The following PLA2G4C variants were observed in gnomAD, a reference collection of about 807,000 sequenced individuals.
The protein encoded by PLA2G4C is cytosolic phospholipase A2 gamma.
In PLA2G4C, 64 loss-of-function variants were observed where a neutral mutation model predicts 73.8. The observed-to-expected ratio is 0.87, with a 90% CI of 0.71 to 1.07. The LOEUF (loss-of-function observed/expected upper bound fraction) is 1.07, where lower values mean the gene tolerates loss of function less well. Among genes scored for constraint, PLA2G4C ranks in the 50% least tolerant of loss-of-function variants. The pLI is 0.00. For synonymous variants in PLA2G4C, 254 were observed against 252.1 expected (o/e 1.01, Z -0.07); for missense variants, 622 against 665.4 (o/e 0.93, Z 0.72).
rs1471894560 is a variant in PLA2G4C at position 48,099,814 on chromosome 19, C to A, written c.304G>T (p.Glu102Ter). The A allele has an allele frequency of 1.4e-5, 22 of 1,613,912 alleles. No homozygotes were observed. Among genetic ancestry groups the A allele is most frequent in the Non-Finnish European group, 1.9e-5 (22 of 1,179,900 alleles). Residue 102 changes from glutamate (E) to a stop codon, truncating the protein, a stop_gained, in exon 5 of 17, where the codon GAG becomes TAG. Coordinates refer to ENST00000599921, the MANE Select transcript of PLA2G4C (RefSeq NM_003706.3). LOFTEE classifies it high-confidence loss of function. Reference protein sequence around the residue: ...YTNDGDMEALEADLKHRFTRQ... With the variant: ...YTNDGDMEAL ...GTAAATCGATGTTTCAGGTCAGCCT[C>A]GAGAGCTTCCATGTCACCATCATTG...
At chr19:48,060,879 AT>A (rs1386527175) in intron 14 of PLA2G4C, among the ~76,000 whole-genome samples, 2 of 152,188 alleles carry the variant, frequency 1.3e-5, no homozygotes, top group Non-Finnish European at 1.5e-5. Flanking sequence ...ATATAAATAT[AT>A]ATTACATTAC....
At chr19:48,087,913 G>A (rs2031075903) in intron 9 of PLA2G4C, among the ~76,000 whole-genome samples, 2 of 148,726 alleles carry the variant, frequency 1.3e-5, no homozygotes, top group South Asian at 4.2e-4. Context: ...TCCAGCCTGG[G>A]CAACAAGAGC....
intron 11 of PLA2G4C, among the ~76,000 whole-genome samples, chr19:48,076,176 G>A (rs903279439): frequency 1.3e-5 from 2 of 152,212 alleles, no homozygotes; most frequent in African/African-American, 4.8e-5. Flanking sequence ...TGGATGAAGG[G>A]CTGTGCTCAG....
chr19:48,049,316 C>A lies in PLA2G4C; in HGVS notation c.1581-928G>T, dbSNP rs145139752. Among the ~76,000 whole-genome samples the A allele has an allele frequency of 4.2e-3, 636 of 152,248 alleles. 5 individuals are homozygous for A. The highest frequency in any genetic ancestry group is 0.014 in the African/African-American group (593 of 41,530). Reference sequence around the variant, plus strand: ...TCCCCAAGACTTCCTCATGGCCACCCCTTCTCAGTATTCAGCCCCAGGTGA... The same window carrying A: ...TCCCCAAGACTTCCTCATGGCCACCACTTCTCAGTATTCAGCCCCAGGTGA... On this transcript the variant is annotated intron_variant, in intron 16 of 16. Coordinates refer to ENST00000599921, the MANE Select transcript of PLA2G4C (RefSeq NM_003706.3).
intron 16 of PLA2G4C, 153 bp downstream of exon 16, chr19:48,052,844 G>T: frequency 2.8e-6 from 2 of 710,468 alleles, no homozygotes; most frequent in East Asian, 2.8e-5. Flanking sequence ...CCTGTTCATG[G>T]TCTGTCCCCT....
At chr19:48,097,387 G>A (rs1600243586) in intron 6 of PLA2G4C, among the ~76,000 whole-genome samples, 1 of 149,504 alleles carries the variant, frequency 6.7e-6, no homozygotes, top group African/African-American at 2.5e-5. Flanking sequence ...CGAGCAGCTG[G>A]GACTACAGGC....
chr19:48,105,104 A>G (rs1910915730), intron 3 of PLA2G4C, among the ~76,000 whole-genome samples: 2 of 139,860 alleles, frequency 1.4e-5, no homozygotes, highest in East Asian at 2.1e-4. Context: ...AAAAAAAAAA[A>G]GAAAGAAAAG....
At chr19:48,073,313 G>A (rs909624912) in intron 12 of PLA2G4C, among the ~76,000 whole-genome samples, 2 of 152,034 alleles carry the variant, frequency 1.3e-5, no homozygotes, top group Non-Finnish European at 2.9e-5. Context: ...GCCTCCCAAA[G>A]TGCTGGGATT....
rs190529839 is a variant in PLA2G4C, at chr19:48,084,775, G to A, written c.844+284C>T. 7.2e-5 allele frequency among the ~76,000 whole-genome samples: 11 copies of A among 152,300 alleles called. No individual in the cohort carries two copies. The East Asian group carries it at 1.9e-3, about 27-fold the overall frequency. ...ATTATTATCACCCACATGGCACAGAGGCAGAAACTGAGGCACAGAGAGGTT... is the reference window on the plus strand; with the variant it reads ...ATTATTATCACCCACATGGCACAGAAGCAGAAACTGAGGCACAGAGAGGTT... On this transcript the variant is annotated intron_variant, in intron 10 of 16. Transcript: ENST00000599921.
At chr19:48,095,974 G>A (rs891871083) in intron 6 of PLA2G4C, among the ~76,000 whole-genome samples, 1 of 152,184 alleles carries the variant, frequency 6.6e-6, no homozygotes, top group African/African-American at 2.4e-5. Flanking sequence ...TGATTCCAAT[G>A]TGAGTCATTA....
At chr19:48,081,106 G>A (rs1257625339) in intron 10 of PLA2G4C, among the ~76,000 whole-genome samples, 5 of 151,542 alleles carry the variant, frequency 3.3e-5, no homozygotes, top group African/African-American at 4.8e-5. Flanking sequence ...CGGAGCTTGC[G>A]GTGAGCCGAG....
intron 1 of PLA2G4C, 141 bp downstream of exon 1, chr19:48,110,345 CA>C (rs58047530): frequency 0.44 from 218,222 of 493,764 alleles, 48,605 homozygotes; most frequent in East Asian, 0.54. Context: ...GATGCTGTCT[CA>C]AAAAAAAATA....
At chr19:48,082,809 TTC>T (rs1163803865) in intron 10 of PLA2G4C, among the ~76,000 whole-genome samples, 17 of 141,624 alleles carry the variant, frequency 1.2e-4, no homozygotes, top group Non-Finnish European at 2.1e-4. Flanking sequence ...TGCTTTTTCT[TTC>T]TTTCTTTTTT....
intron 11 of PLA2G4C, 35 bp downstream of exon 11, chr19:48,077,736 A>T: frequency 6.6e-7 from 1 of 1,519,190 alleles, no homozygotes. Context: ...AGTCCACACT[A>T]TCATTAGGGA....
rs1444008099 is a variant in PLA2G4C at position 48,062,237 on chromosome 19, G to A, written c.1103-85C>T. 6 of 1,191,478 alleles carry A rather than the reference G, an allele frequency of 5.0e-6. No individual in the cohort carries two copies. The East Asian group carries it at 1.6e-4, about 32-fold the overall frequency. 73.8% of individuals were successfully genotyped at this position (1,191,478 alleles called of 1,614,324 possible). A position where few individuals can be genotyped will look rare whatever the true frequency, so the allele number is the denominator to read the frequency against. ...AAATGGAAGGCAGAGAGGGGGATGG[G>A]AAAATGATCGTTGTCAGTGTAGACA... On this transcript the variant is annotated intron_variant, in intron 13 of 16. Coordinates refer to ENST00000599921, the MANE Select transcript of PLA2G4C (RefSeq NM_003706.3).
At chr19:48,096,469 G>T (rs1021690993) in intron 6 of PLA2G4C, among the ~76,000 whole-genome samples, 1 of 152,124 alleles carries the variant, frequency 6.6e-6, no homozygotes, top group African/African-American at 2.4e-5. Flanking sequence ...TATAATCCCA[G>T]CTACTTGGGA....
At chr19:48,062,262 A>G in intron 13 of PLA2G4C, 110 bp from the exon 14 acceptor site, 1 of 951,218 alleles carries the variant, frequency 1.1e-6, no homozygotes, top group Non-Finnish European at 1.5e-6. Context: ...CAGTGTAGAC[A>G]GCAGTTGTGA....
chr19:48,094,394 C>T (rs541716982), intron 7 of PLA2G4C, among the ~76,000 whole-genome samples: 2 of 152,246 alleles, frequency 1.3e-5, no homozygotes, highest in South Asian at 4.2e-4. Context: ...GACTGAATCC[C>T]CTGCATTTAA....
chr19:48,105,315 C>G lies in PLA2G4C; in HGVS notation c.120+18G>C. On this transcript the variant is annotated intron_variant, in intron 3 of 16. Coordinates refer to ENST00000599921, the MANE Select transcript of PLA2G4C (RefSeq NM_003706.3). ...GCGATTCTGGGATCTCTGGGGCCACCCTCCTCCCCTCACTTACCTCATCAG... is the reference window on the plus strand; with the variant it reads ...GCGATTCTGGGATCTCTGGGGCCACGCTCCTCCCCTCACTTACCTCATCAG... 1.3e-6 allele frequency: 2 copies of G among 1,561,684 alleles called. No individual in the cohort carries two copies. The highest frequency in any genetic ancestry group is 1.8e-6 in the Non-Finnish European group (2 of 1,138,220).
Sources: allele counts gnomAD v4.1 joint callset (sites outside exome capture counted in the v4.1 genomes callset), GRCh38; gene constraint gnomAD v4.1.1; transcripts MANE v1.5; gene names NCBI Gene and HGNC (gene_info 2026-07-23, HGNC 2026-07-21).